The following SGF29 variants were observed in gnomAD, a reference collection of about 807,000 sequenced individuals.
SGF29 encodes the protein SAGA-associated factor 29.
A neutral mutation model predicts 38.1 loss-of-function variants in SGF29; 15 were observed. That is an observed-to-expected ratio of 0.39 (90% CI 0.26 to 0.61). SGF29 has a LOEUF of 0.61. Ranked by LOEUF, SGF29 falls within the 20% of genes least tolerant of loss-of-function variation. SGF29 has a pLI of 0.49. For missense variants in SGF29, 184 were observed against 394.6 expected (o/e 0.47, Z 4.52); for synonymous variants, 151 against 160.8 (o/e 0.94, Z 0.46).
At chr16:28,591,077 C>T in intron 9 of SGF29, 142 bp downstream of exon 9, 1 of 1,104,440 alleles carries the variant, frequency 9.1e-7, no homozygotes, top group Non-Finnish European at 1.3e-6. Context: ...TGCCCTCCCT[C>T]TTCCACTCCA....
intron 1 of SGF29, among the ~76,000 whole-genome samples, chr16:28,575,495 A>G (rs1283163452): frequency 6.6e-6 from 1 of 152,146 alleles, no homozygotes; most frequent in African/African-American, 2.4e-5. Context: ...AGCCTGGTCA[A>G]CATGGTGAAA....
chr16:28,563,527 T>G (rs1335831784), intron 1 of SGF29, among the ~76,000 whole-genome samples: 4 of 152,154 alleles, frequency 2.6e-5, no homozygotes, highest in Non-Finnish European at 5.9e-5. Context: ...AAAGCTTTTA[T>G]GAGATACACA....
intron 1 of SGF29, among the ~76,000 whole-genome samples, chr16:28,558,185 G>A (rs2046764904): frequency 1.3e-5 from 2 of 148,994 alleles, no homozygotes; most frequent in Non-Finnish European, 3.0e-5. Flanking sequence ...GACTCACTGC[G>A]ACCTCCACCT....
intron 2 of SGF29, among the ~76,000 whole-genome samples, chr16:28,581,353 C>T (rs1453004889): frequency 1.3e-5 from 2 of 152,246 alleles, no homozygotes; most frequent in Admixed American, 1.3e-4. Flanking sequence ...TTTTGTTTGA[C>T]AGCTATCCTG....
intron 1 of SGF29, among the ~76,000 whole-genome samples, chr16:28,557,821 A>G (rs1846030447): frequency 1.3e-5 from 2 of 152,190 alleles, no homozygotes; most frequent in African/African-American, 4.8e-5. Flanking sequence ...TGTGTTGATT[A>G]TCCTATATTG....
At chr16:28,562,485 T>C (rs1311533249) in intron 1 of SGF29, among the ~76,000 whole-genome samples, 1 of 152,184 alleles carries the variant, frequency 6.6e-6, no homozygotes, top group Non-Finnish European at 1.5e-5. Flanking sequence ...TATACTTGTA[T>C]TGATGCTGGG....
chr16:28,561,407 C>T (rs1027926888), intron 1 of SGF29, among the ~76,000 whole-genome samples: 14 of 152,170 alleles, frequency 9.2e-5, no homozygotes, highest in African/African-American at 3.4e-4. Flanking sequence ...GTAGCTGGCA[C>T]CTGCAATCCC....
At chr16:28,580,708 G>A (rs920267742) in intron 1 of SGF29, among the ~76,000 whole-genome samples, 1 of 152,160 alleles carries the variant, frequency 6.6e-6, no homozygotes, top group East Asian at 1.9e-4. Flanking sequence ...AAAGGGATAG[G>A]GTGTCACACT....
chr16:28,578,960 A>T (rs957855619), intron 1 of SGF29, among the ~76,000 whole-genome samples: 4 of 151,890 alleles, frequency 2.6e-5, no homozygotes, highest in African/African-American at 7.3e-5. Flanking sequence ...AATAAATAAA[A>T]AATAAAAATA....
intron 1 of SGF29, among the ~76,000 whole-genome samples, chr16:28,577,606 C>T (rs897005014): frequency 6.6e-6 from 1 of 152,228 alleles, no homozygotes; most frequent in African/African-American, 2.4e-5. Flanking sequence ...GATAATATCA[C>T]ACTTTATGCA....
At chr16:28,576,267 G>A (rs2046892917) in intron 1 of SGF29, among the ~76,000 whole-genome samples, 1 of 152,168 alleles carries the variant, frequency 6.6e-6, no homozygotes, top group African/African-American at 2.4e-5. Flanking sequence ...AGGGTAGGAG[G>A]AGGGAGAAGC....
intron 1 of SGF29, among the ~76,000 whole-genome samples, chr16:28,566,447 G>A (rs1259199859): frequency 6.6e-6 from 1 of 152,072 alleles, no homozygotes; most frequent in Admixed American, 6.6e-5. Flanking sequence ...TGATCTGGAT[G>A]TCCCAGATAG....
chr16:28,558,079 G>A (rs955582089), intron 1 of SGF29, among the ~76,000 whole-genome samples: 16 of 147,008 alleles, frequency 1.1e-4, no homozygotes, highest in Middle Eastern at 3.5e-3. Context: ...TGAAAGCTGG[G>A]ACTACAGGAG....
At chr16:28,580,881 G>A (rs1035961959) in intron 1 of SGF29, among the ~76,000 whole-genome samples, 174 bp from the exon 2 acceptor site, 7 of 152,086 alleles carry the variant, frequency 4.6e-5, no homozygotes, top group African/African-American at 1.7e-4. Flanking sequence ...CGGGGTCTCC[G>A]TGTTGCCCAG....
intron 1 of SGF29, among the ~76,000 whole-genome samples, chr16:28,564,358 G>T (rs2046807665): frequency 6.6e-6 from 1 of 151,394 alleles, no homozygotes; most frequent in South Asian, 2.1e-4. Flanking sequence ...AATGCTTAGG[G>T]AGTGCTTAGA....
At chr16:28,574,608 C>T (rs2046883028) in intron 1 of SGF29, among the ~76,000 whole-genome samples, 1 of 152,186 alleles carries the variant, frequency 6.6e-6, no homozygotes, top group Non-Finnish European at 1.5e-5. Flanking sequence ...GTCCAACTCC[C>T]TATAACAGTT....
chr16:28,555,266 C>G (rs986349303), intron 1 of SGF29, among the ~76,000 whole-genome samples: 1 of 151,424 alleles, frequency 6.6e-6, no homozygotes, highest in African/African-American at 2.4e-5. Flanking sequence ...GGGTTTGAGA[C>G]CAGCCCGAGC....
intron 4 of SGF29, chr16:28,588,823 G>A (rs2046970151): frequency 1.6e-5 from 6 of 374,634 alleles, no homozygotes; most frequent in South Asian, 1.1e-4. Flanking sequence ...CACACTCCTC[G>A]GCCTCCCAAA....
intron 1 of SGF29, among the ~76,000 whole-genome samples, chr16:28,566,291 G>A (rs1261077392): frequency 6.6e-6 from 1 of 151,236 alleles, no homozygotes; most frequent in Non-Finnish European, 1.5e-5. Context: ...AAAAGAAAAA[G>A]AAAAAGAAAG....
Sources: gnomAD v4.1 joint callset for allele counts (sites outside exome capture counted in the v4.1 genomes callset) on GRCh38, gnomAD v4.1.1 for gene constraint, MANE v1.5 for transcripts, NCBI Gene and HGNC (gene_info 2026-07-23, HGNC 2026-07-21) for gene names.